Variants in PRPF19 observed in about 807,000 individuals in gnomAD.
The protein encoded by PRPF19 is pre-mRNA-processing factor 19.
PRPF19 carries 2 observed loss-of-function variants against 64.2 expected under a neutral mutation model. The ratio of observed to expected loss-of-function variants is 0.03; its 90% CI spans 0.01 to 0.10. The LOEUF (loss-of-function observed/expected upper bound fraction) is 0.10. Ranked by LOEUF, PRPF19 falls within the 10% of genes least tolerant of loss-of-function variation. The probability of loss-of-function intolerance (pLI) is 1.00; values close to 1 mark genes in which losing one functional copy is unlikely to be tolerated. For missense variants in PRPF19, 314 were observed against 650.0 expected (o/e 0.48, Z 5.62); for synonymous variants, 226 against 251.6 (o/e 0.90, Z 0.96).
intron 15 of PRPF19, among the ~76,000 whole-genome samples, chr11:60,894,735 T>C (rs1198390409): frequency 6.6e-6 from 1 of 152,180 alleles, no homozygotes; most frequent in Non-Finnish European, 1.5e-5. Flanking sequence ...AAGGAACCAC[T>C]ATCCAGGGCA....
chr11:60,905,929 G>A (rs1281940159), intron 1 of PRPF19, among the ~76,000 whole-genome samples: 1 of 152,220 alleles, frequency 6.6e-6, no homozygotes, highest in African/African-American at 2.4e-5. Flanking sequence ...ATCCGAGCGA[G>A]GCCTCGCAAA....
At chr11:60,893,147 C>T (rs1429165002) in intron 15 of PRPF19, among the ~76,000 whole-genome samples, 2 of 152,296 alleles carry the variant, frequency 1.3e-5, no homozygotes, top group Non-Finnish European at 2.9e-5. Context: ...GCATTATTCA[C>T]GTTTGTGGGG....
chr11:60,894,926 T>G (rs1036193219), intron 15 of PRPF19, among the ~76,000 whole-genome samples: 17 of 152,336 alleles, frequency 1.1e-4, no homozygotes, highest in Middle Eastern at 3.4e-3. Flanking sequence ...TACCTCTTAA[T>G]GGGGGGCTTA....
At position 60,899,283 on chromosome 11, in the gene PRPF19, G is replaced by C; in HGVS notation, c.850C>G (p.Pro284Ala). ...GACCAAATCCTGATAGTGGCATCGG[G>C]GGAAGCAGAAAACACCAGGTCCTAC... ...PSQDLVFSAS[P>A]DATIRIWSVP... The change falls in exon 11 of 16, where the codon CCC (proline) becomes GCC (alanine). Residue 284 changes from proline (P) to alanine (A), a missense_variant. Physicochemically the swap from Pro to Ala is conservative, Grantham distance 27 (BLOSUM62 -1). This residue lies in a region of PRPF19 where 175 missense variants were observed against 342.9 expected (regional missense o/e 0.51). Transcript: ENST00000227524. 1.2e-6 allele frequency: 2 copies of C among 1,612,946 alleles called. No homozygotes were observed. The highest frequency in any genetic ancestry group is 1.7e-6 in the Non-Finnish European group (2 of 1,178,936).
At chr11:60,903,967 AC>A in intron 1 of PRPF19, 106 bp from the exon 2 acceptor site, 1 of 1,382,470 alleles carries the variant, frequency 7.2e-7, no homozygotes, top group Non-Finnish European at 9.9e-7. Context: ...CTCACACTCA[AC>A]TAGCAGAAAG....
chr11:60,900,414 A>G (rs1855971224), intron 10 of PRPF19, among the ~76,000 whole-genome samples, 168 bp downstream of exon 10: 1 of 152,216 alleles, frequency 6.6e-6, no homozygotes, highest in African/African-American at 2.4e-5. Flanking sequence ...GGTCTCACGC[A>G]GAGTGAAGGG....
chr11:60,897,352 C>T (rs1855932643), intron 15 of PRPF19, among the ~76,000 whole-genome samples: 1 of 152,228 alleles, frequency 6.6e-6, no homozygotes, highest in African/African-American at 2.4e-5. Flanking sequence ...TAGTAGGCTA[C>T]ACCATTTAGA....
intron 15 of PRPF19, 115 bp downstream of exon 15, chr11:60,897,731 A>G: frequency 1.2e-6 from 1 of 834,322 alleles, no homozygotes; most frequent in South Asian, 1.7e-5. Context: ...CTCAGGTGGT[A>G]ACAGAAAGCT....
chr11:60,893,509 A>AT (rs1363358242), intron 15 of PRPF19, among the ~76,000 whole-genome samples: 3 of 151,722 alleles, frequency 2.0e-5, no homozygotes, highest in Non-Finnish European at 4.4e-5. Flanking sequence ...ATCTCAAAAA[A>AT]AAAAAAAGTA....
At position 60,896,814 on chromosome 11, in the gene PRPF19, T is replaced by C. The variant is rs374514469; in HGVS notation, c.1417+1032A>G. On this transcript the variant is annotated intron_variant, in intron 15 of 15. Coordinates refer to ENST00000227524, the MANE Select transcript of PRPF19 (RefSeq NM_014502.5). ...GTCTTAGTTTTTAACAAGAAAAGTT[T>C]AAAAAGTAAAAAATAAAAATAAAAA... 5.2e-4 allele frequency among the ~76,000 whole-genome samples: 79 copies of C among 152,082 alleles called. 1 individual carries two copies. The South Asian group carries it at 0.012, about 23-fold the overall frequency.
At position 60,899,348 on chromosome 11, in the gene PRPF19, T is replaced by C. The variant is rs201857821; in HGVS notation, c.829-44A>G. The C allele has an allele frequency of 1.3e-4, 210 of 1,563,540 alleles. 1 individual carries two copies. Among genetic ancestry groups the C allele is most frequent in the Admixed American group, 8.5e-5 (5 of 58,908 alleles). On this transcript the variant is annotated intron_variant, in intron 10 of 15. Coordinates refer to ENST00000227524, the MANE Select transcript of PRPF19 (RefSeq NM_014502.5). ...CAGAATATCAGAGTCAGAAAAGAGA[T>C]ACAGACCAAAACAATCTTATAAAAC...
At chr11:60,901,645 T>C in intron 6 of PRPF19, 105 bp from the exon 7 acceptor site, 1 of 1,320,380 alleles carries the variant, frequency 7.6e-7, no homozygotes. Context: ...AAGAACTTGC[T>C]ATCTGCCAAC....
intron 15 of PRPF19, 54 bp downstream of exon 15, chr11:60,897,791 TC>T: frequency 6.8e-7 from 1 of 1,475,326 alleles, no homozygotes; most frequent in Non-Finnish European, 9.4e-7. Context: ...CAGTGAGGCT[TC>T]CCTCCGGGCC....
At position 60,906,213 on chromosome 11, in the gene PRPF19, G is replaced by T. The variant is rs373134319; in HGVS notation, c.19+151C>A. 704 of 1,267,962 alleles carry T rather than the reference G, an allele frequency of 5.6e-4. 5 individuals are homozygous for T. The African/African-American group carries it at 9.7e-3, about 18-fold the overall frequency. 78.5% of individuals were successfully genotyped at this position (1,267,962 alleles called of 1,614,324 possible). A position where few individuals can be genotyped will look rare whatever the true frequency, so the allele number is the denominator to read the frequency against. ...GCGCAAATGCACCCCGCTCCGACGGGGGGGGCTCCGGTGCTGACAGGCCGC... is the reference window on the plus strand; with the variant it reads ...GCGCAAATGCACCCCGCTCCGACGGTGGGGGCTCCGGTGCTGACAGGCCGC... On this transcript the variant is annotated intron_variant, in intron 1 of 15. Coordinates refer to ENST00000227524, the MANE Select transcript of PRPF19 (RefSeq NM_014502.5).
In PRPF19 at chr11:60,891,281, A is replaced by C; in HGVS notation, c.1418-18T>G. 1 of 1,596,740 alleles carries C rather than the reference A, an allele frequency of 6.3e-7. No homozygotes were observed. The highest frequency in any genetic ancestry group is 8.6e-7 in the Non-Finnish European group (1 of 1,165,344). On this transcript the variant is annotated intron_variant, in intron 15 of 15. Transcript: ENST00000227524. The stretch of plus-strand genomic sequence containing the variant: ...GCTATGCTCTGAGGAGAAAGATAAG[A>C]GGCAACTGTGAGAAGGCTTTTCCTC...
Position 60,906,556 on chromosome 11 carries a change from C to G in PRPF19, c.-174G>C. The G allele has an allele frequency of 3.1e-6, 2 of 648,066 alleles. No individual in the cohort carries two copies. The highest frequency in any genetic ancestry group is 2.0e-5 in the South Asian group (1 of 50,916). The allele number at this position is 648,066 out of a possible 1,614,324, so 40.1% of individuals were successfully genotyped here. ...TCACGTGGGAATGGGGACAGCCGCGCGCCACAGCCTTCAGCACCTAACGGA... is the reference window on the plus strand; with the variant it reads ...TCACGTGGGAATGGGGACAGCCGCGGGCCACAGCCTTCAGCACCTAACGGA... On this transcript the variant is annotated 5_prime_UTR_variant, in exon 1 of 16. Coordinates refer to ENST00000227524, the MANE Select transcript of PRPF19 (RefSeq NM_014502.5).
In PRPF19 at chr11:60,890,664, C is replaced by A. The variant is rs1168534759; in HGVS notation, c.*502G>T. 17 of 444,652 alleles carry A rather than the reference C, an allele frequency of 3.8e-5. No individual in the cohort carries two copies. Among genetic ancestry groups the A allele is most frequent in the Non-Finnish European group, 5.9e-5 (13 of 220,344 alleles). 27.5% of individuals were successfully genotyped at this position (444,652 alleles called of 1,614,324 possible). ...GGAAGCCAGTGTCCCAGTGTGTGCTCCCTCCCCTTGACCTTCCCAGTCCCA... is the reference window on the plus strand; with the variant it reads ...GGAAGCCAGTGTCCCAGTGTGTGCTACCTCCCCTTGACCTTCCCAGTCCCA... On this transcript the variant is annotated 3_prime_UTR_variant, in exon 16 of 16. Coordinates refer to ENST00000227524, the MANE Select transcript of PRPF19 (RefSeq NM_014502.5).
At position 60,890,740 on chromosome 11, in the gene PRPF19, CT is replaced by C. The variant is rs1565108330; in HGVS notation, c.*425del. The C allele has an allele frequency of 2.2e-6, 1 of 456,860 alleles. No homozygotes were observed. The highest frequency in any genetic ancestry group is 1.5e-5 in the South Asian group (1 of 64,546). The allele number at this position is 456,860 out of a possible 1,614,324, so 28.3% of individuals were successfully genotyped here. ...GGGAGGTGGTTATGGTTATTGTTTT[CT>C]TTTTTTAATGAAACTAGATCACTGC... On this transcript the variant is annotated 3_prime_UTR_variant, in exon 16 of 16. Transcript: ENST00000227524.
rs751174535 is a variant in PRPF19, at chr11:60,898,298, C to A, written c.1141-27G>T. 1.3e-5 allele frequency: 21 copies of A among 1,608,734 alleles called. No individual in the cohort carries two copies. The highest frequency in any genetic ancestry group is 2.2e-5 in the East Asian group (1 of 44,846). On this transcript the variant is annotated intron_variant, in intron 13 of 15. Transcript: ENST00000227524. This position sits in a 1 kb window ranked among gnomAD's most constrained non-coding sequence, Gnocchi z 4.6. ...TACAGTGGCGGTGGGTAGTAAAATA[C>A]GTCACCCACAGATCATGAGAGGAAG...
Sources: allele counts gnomAD v4.1 joint callset (sites outside exome capture counted in the v4.1 genomes callset), GRCh38; gene constraint gnomAD v4.1.1; regional missense constraint gnomAD v4.1.1; non-coding constraint Gnocchi (gnomAD v3.1); transcripts MANE v1.5; gene names NCBI Gene and HGNC (gene_info 2026-07-23, HGNC 2026-07-21).